The following GYG1 variants were observed in gnomAD, a reference collection of about 807,000 sequenced individuals.
GYG1 encodes the protein glycogenin 1, also known as glycogenin-1.
A neutral mutation model predicts 41.9 loss-of-function variants in GYG1; 44 were observed. The ratio of observed to expected loss-of-function variants is 1.05; its 90% CI spans 0.83 to 1.35. GYG1 has a LOEUF of 1.35. Among genes scored for constraint, GYG1 ranks in the 40% most tolerant of loss-of-function variants. The pLI is 0.00. For synonymous variants in GYG1, 141 were observed against 158.1 expected, an observed-to-expected ratio of 0.89 and a Z score of 0.81; for missense variants, 429 against 418.9, an observed-to-expected ratio of 1.02 and a Z score of -0.21.
At chr3:148,998,716 T>C (rs564736563) in intron 4 of GYG1, among the ~76,000 whole-genome samples, 3 of 152,262 alleles carry the variant, frequency 2.0e-5, no homozygotes, top group Non-Finnish European at 2.9e-5. Flanking sequence ...ATAGAAGGAA[T>C]GAAAGCTGTA....
At chr3:149,017,583 T>G (rs13093645) in intron 5 of GYG1, among the ~76,000 whole-genome samples, 4 of 27,488 alleles carry the variant, frequency 1.5e-4, no homozygotes, top group Non-Finnish European at 1.5e-4. Context: ...TTTATTTAGG[T>G]TTTTTTTTTT....
intron 5 of GYG1, among the ~76,000 whole-genome samples, chr3:149,020,436 A>G (rs1468548505): frequency 2.0e-5 from 3 of 152,258 alleles, no homozygotes; most frequent in African/African-American, 7.2e-5. Flanking sequence ...CTGCAGCCAG[A>G]CTGCCTGGAT....
At chr3:149,003,868 CTG>C (rs1050468772) in intron 4 of GYG1, 3 of 152,232 alleles carry the variant, frequency 2.0e-5, no homozygotes, top group Admixed American at 1.3e-4. Context: ...TGCCAGCAAA[CTG>C]TGGAAGAGCA....
In GYG1 at chr3:149,026,452, C is replaced by A; in HGVS notation, c.829C>A (p.Leu277Ile). ...VKDTCSYVNV[L>I]SDLVYTLAFS... ...ACACTTTCTAATGAACTGTTTGCAG[C>A]TTTCAGACTTGGTCTATACACTGGC... Residue 277 changes from leucine to isoleucine, a missense_variant and splice_region_variant, in exon 7 of 8, where the codon CTT becomes ATT. By Grantham distance (5) the Leu-to-Ile change is conservative. Transcript: ENST00000345003. 1 of 1,595,264 alleles carries A rather than the reference C, an allele frequency of 6.3e-7. No individual in the cohort carries two copies. Among genetic ancestry groups the A allele is most frequent in the Non-Finnish European group, 8.6e-7 (1 of 1,162,820 alleles).
rs141745973 is a variant in GYG1 at position 149,026,822 on chromosome 3, G to A, written c.942G>A (p.Pro314=). ...GGGAGATCCCAGCTATGGCACAGCC[G>A]TTTGTATCCTCGGAAGAACGGAAGG... ...SLGEIPAMAQ[P]FVSSEERKER... is the part of the protein sequence containing the mutation. Residue 314 remains proline, a synonymous_variant, in exon 8 of 8, where the codon CCG becomes CCA. Coordinates refer to ENST00000345003, the MANE Select transcript of GYG1 (RefSeq NM_004130.4). 3.5e-5 allele frequency: 57 copies of A among 1,613,868 alleles called. No individual in the cohort carries two copies. The highest frequency in any genetic ancestry group is 1.1e-5 in the South Asian group (1 of 91,080).
At chr3:149,020,113 CTTG>C (rs1714286025) in intron 5 of GYG1, among the ~76,000 whole-genome samples, 2 of 152,200 alleles carry the variant, frequency 1.3e-5, no homozygotes, top group African/African-American at 2.4e-5. Flanking sequence ...CCACCCATTT[CTTG>C]TTGTTATTCC....
intron 5 of GYG1, 71 bp from the exon 6 acceptor site, chr3:149,023,982 A>G (rs2107921560): frequency 9.5e-7 from 1 of 1,053,680 alleles, no homozygotes; most frequent in Non-Finnish European, 1.5e-6. Flanking sequence ...GAAAAGTGCT[A>G]CTAAGTGCTG....
chr3:149,019,779 G>C (rs1273064197), intron 5 of GYG1, among the ~76,000 whole-genome samples: 2 of 152,218 alleles, frequency 1.3e-5, no homozygotes, highest in Non-Finnish European at 2.9e-5. Flanking sequence ...TTTCCAAATG[G>C]TGTTCTTGTT....
intron 2 of GYG1, among the ~76,000 whole-genome samples, 195 bp downstream of exon 2, chr3:148,994,472 T>C (rs1712677154): frequency 6.6e-6 from 1 of 151,926 alleles, no homozygotes; most frequent in Non-Finnish European, 1.5e-5. Flanking sequence ...AACTCAATTC[T>C]TTTCTGGAAG....
chr3:149,007,918 A>G (rs1713492599), intron 4 of GYG1: 1 of 152,242 alleles, frequency 6.6e-6, no homozygotes, highest in Non-Finnish European at 1.5e-5. Context: ...TAGAAAGCAC[A>G]TGAAATATAT....
chr3:149,011,808 G>A (rs1713748347), intron 5 of GYG1, among the ~76,000 whole-genome samples: 1 of 152,130 alleles, frequency 6.6e-6, no homozygotes, highest in Non-Finnish European at 1.5e-5. Flanking sequence ...CGGGTTTATT[G>A]TAACCATAGA....
intron 1 of GYG1, among the ~76,000 whole-genome samples, chr3:148,992,090 A>C (rs1259739633): frequency 6.6e-6 from 1 of 151,804 alleles, no homozygotes; most frequent in African/African-American, 2.4e-5. Context: ...CGAGGCGGGG[A>C]TACTGCGGCC....
chr3:149,008,576 G>A (rs1226094602), intron 4 of GYG1, among the ~76,000 whole-genome samples: 1 of 152,196 alleles, frequency 6.6e-6, no homozygotes, highest in Non-Finnish European at 1.5e-5. Flanking sequence ...CCCATCAGAT[G>A]TAGCTCAAGC....
chr3:148,996,144 G>T (rs1002055011), intron 2 of GYG1, among the ~76,000 whole-genome samples, 158 bp from the exon 3 acceptor site: 1 of 152,204 alleles, frequency 6.6e-6, no homozygotes, highest in African/African-American at 2.4e-5. Context: ...GTTTGTCCTG[G>T]AGTAAAATTA....
rs756594918 is a variant in GYG1, at chr3:148,996,842, A to T, written c.419A>T (p.Gln140Leu). The change falls in exon 4 of 8, where the codon CAG becomes CTG. Residue 140 changes from glutamine to leucine, a missense_variant. By Grantham distance (113) the Gln-to-Leu change is moderately radical. Coordinates refer to ENST00000345003, the MANE Select transcript of GYG1 (RefSeq NM_004130.4). ...TTCAATTCCGGAGTCTTCGTTTATC[A>T]GCCTTCAGTTGAAACATACAATCAG... is the stretch of plus-strand genomic sequence containing the variant. ...DCFNSGVFVYQPSVETYNQLL... is the reference protein window; with the variant it reads ...DCFNSGVFVYLPSVETYNQLL... 3 of 1,613,638 alleles carry T rather than the reference A, an allele frequency of 1.9e-6. No homozygotes were observed. The highest frequency in any genetic ancestry group is 1.7e-6 in the Non-Finnish European group (2 of 1,179,524).
intron 5 of GYG1, among the ~76,000 whole-genome samples, chr3:149,011,990 T>C (rs892501854): frequency 6.6e-6 from 1 of 152,184 alleles, no homozygotes; most frequent in African/African-American, 2.4e-5. Context: ...TGCTGCCTAT[T>C]GAGGAATATT....
intron 5 of GYG1, 42 bp from the exon 6 acceptor site, chr3:149,024,011 C>G: frequency 7.2e-7 from 1 of 1,395,042 alleles, no homozygotes; most frequent in African/African-American, 1.4e-5. Flanking sequence ...TTTGTCAGTA[C>G]TCAGAATCCA....
intron 7 of GYG1, 51 bp from the exon 8 acceptor site, chr3:149,026,709 A>G: frequency 7.3e-7 from 1 of 1,362,794 alleles, no homozygotes; most frequent in South Asian, 1.2e-5. Context: ...GCATTCTTTA[A>G]AACAGTTTGA....
At chr3:149,006,495 T>G (rs1461730914) in intron 4 of GYG1, among the ~76,000 whole-genome samples, 1 of 152,240 alleles carries the variant, frequency 6.6e-6, no homozygotes, top group Non-Finnish European at 1.5e-5. Flanking sequence ...ATAAATGAAA[T>G]TACATAGTAT....
Sources: allele counts gnomAD v4.1 joint callset (sites outside exome capture counted in the v4.1 genomes callset), GRCh38; gene constraint gnomAD v4.1.1; transcripts MANE v1.5; gene names NCBI Gene and HGNC (gene_info 2026-07-23, HGNC 2026-07-21).